Variants in DGKB observed in about 807,000 individuals in gnomAD.
DGKB encodes the protein diacylglycerol kinase beta, also known as 90 kDa diacylglycerol kinase.
In DGKB, 67 loss-of-function variants were observed where a neutral mutation model predicts 114.3. That is an observed-to-expected ratio of 0.59 (90% confidence interval 0.48 to 0.72). The LOEUF (loss-of-function observed/expected upper bound fraction) is 0.72, where lower values mean the gene tolerates loss of function less well. Ranked by LOEUF, DGKB falls within the 30% of genes least tolerant of loss-of-function variation. The probability of loss-of-function intolerance (pLI) is 0.00; values close to 1 mark genes in which losing one functional copy is unlikely to be tolerated. For synonymous variants in DGKB, 398 were observed against 323.1 expected, an observed-to-expected ratio of 1.23 and a Z score of -2.49; for missense variants, 907 against 975.2, an observed-to-expected ratio of 0.93 and a Z score of 0.93.
rs55946342 is a variant in DGKB, at chr7:14,298,809, T to C, written c.2122+39706A>G. Among the ~76,000 whole-genome samples, 623 of 152,282 alleles carry C rather than the reference T, an allele frequency of 4.1e-3. 3 individuals carry two copies. The highest frequency in any genetic ancestry group is 0.015 in the African/African-American group (610 of 41,550). On this transcript the variant is annotated intron_variant, in intron 23 of 25. Coordinates refer to ENST00000402815, the MANE Select transcript of DGKB (RefSeq NM_001350709.2). ...ATCTATCCATCTGACAAAGGGCTAATATCCAGCATCTACAAAGAACTTAAA... is the reference window on the plus strand; with the variant it reads ...ATCTATCCATCTGACAAAGGGCTAACATCCAGCATCTACAAAGAACTTAAA...
At chr7:14,880,920 A>T (rs1854129076) in intron 1 of DGKB, among the ~76,000 whole-genome samples, 1 of 152,162 alleles carries the variant, frequency 6.6e-6, no homozygotes, top group Non-Finnish European at 1.5e-5. Context: ...GTTACAGTAA[A>T]CAAGGCTTCA....
intron 23 of DGKB, chr7:14,209,169 G>C (rs1187071729): frequency 8.1e-6 from 2 of 247,766 alleles, no homozygotes; most frequent in East Asian, 2.6e-4. Context: ...TATTACTACT[G>C]ATAGAAAAAA....
intron 13 of DGKB, among the ~76,000 whole-genome samples, chr7:14,633,148 T>A (rs1810066258): frequency 6.6e-6 from 1 of 151,856 alleles, no homozygotes; most frequent in Non-Finnish European, 1.5e-5. Flanking sequence ...AGCAGGGGTA[T>A]GAGATATCTA....
At chr7:14,246,738 G>A (rs1047293608) in intron 23 of DGKB, among the ~76,000 whole-genome samples, 27 of 152,122 alleles carry the variant, frequency 1.8e-4, no homozygotes, top group African/African-American at 6.3e-4. Flanking sequence ...ATGTTTTGAT[G>A]TACATGCAAA....
intron 23 of DGKB, among the ~76,000 whole-genome samples, chr7:14,319,256 G>T (rs992219065): frequency 2.0e-5 from 3 of 148,606 alleles, no homozygotes; most frequent in Non-Finnish European, 4.4e-5. Flanking sequence ...CCTGCACAAT[G>T]TGCACATGTA....
intron 1 of DGKB, among the ~76,000 whole-genome samples, chr7:14,852,726 C>T (rs1439837396): frequency 1.3e-5 from 2 of 152,094 alleles, no homozygotes; most frequent in Non-Finnish European, 1.5e-5. Flanking sequence ...AAGAAGAATG[C>T]AGTTGAATGG....
chr7:14,348,943 A>G (rs1436693599), intron 21 of DGKB, among the ~76,000 whole-genome samples: 1 of 151,972 alleles, frequency 6.6e-6, no homozygotes, highest in Non-Finnish European at 1.5e-5. Context: ...GAACATGTAA[A>G]CAAAGTTAAT....
chr7:14,268,431 T>A (rs1172724299), intron 23 of DGKB, among the ~76,000 whole-genome samples: 1 of 152,178 alleles, frequency 6.6e-6, no homozygotes, highest in Non-Finnish European at 1.5e-5. Flanking sequence ...TATACCTATA[T>A]AAATACATGG....
rs112107431 is a variant in DGKB at position 14,531,538 on chromosome 7, G to A, written c.1770+42674C>T. 6.7e-3 allele frequency among the ~76,000 whole-genome samples: 1,022 copies of A among 151,506 alleles called. 10 individuals carry two copies. Among genetic ancestry groups the A allele is most frequent in the African/African-American group, 0.023 (959 of 41,488 alleles). On this transcript the variant is annotated intron_variant, in intron 20 of 25. Coordinates refer to ENST00000402815, the MANE Select transcript of DGKB (RefSeq NM_001350709.2). ...ATTATAAGAACTAAGAAACGTTGCT[G>A]CGAGTATTGAAGAAGGACTAAATGA...
intron 2 of DGKB, among the ~76,000 whole-genome samples, chr7:14,818,293 C>G (rs1844445429): frequency 6.6e-6 from 1 of 152,236 alleles, no homozygotes; most frequent in African/African-American, 2.4e-5. Context: ...ATGGCTAAGT[C>G]AAGGGAGGTC....
At chr7:14,344,094 T>C (rs1258768608) in intron 22 of DGKB, among the ~76,000 whole-genome samples, 1 of 150,298 alleles carries the variant, frequency 6.7e-6, no homozygotes, top group African/African-American at 2.4e-5. Context: ...TATCATTTTA[T>C]ATACAGTTAT....
intron 25 of DGKB, among the ~76,000 whole-genome samples, chr7:14,151,312 A>G (rs1782164048): frequency 6.6e-6 from 1 of 151,968 alleles, no homozygotes; most frequent in Admixed American, 6.6e-5. Flanking sequence ...ATATCTTCCT[A>G]GCCATTTATA....
At chr7:14,164,056 C>CA (rs1456123918) in intron 25 of DGKB, among the ~76,000 whole-genome samples, 3 of 151,372 alleles carry the variant, frequency 2.0e-5, no homozygotes, top group African/African-American at 4.9e-5. Context: ...ACAACAACAA[C>CA]AAAAAATACT....
intron 23 of DGKB, among the ~76,000 whole-genome samples, chr7:14,331,940 T>C (rs1006221762): frequency 1.3e-5 from 2 of 152,118 alleles, no homozygotes; most frequent in Admixed American, 6.6e-5. Context: ...AGAGATCAAA[T>C]AGGGTGAGAT....
At chr7:14,195,764 A>G (rs952221311) in intron 23 of DGKB, among the ~76,000 whole-genome samples, 1 of 152,216 alleles carries the variant, frequency 6.6e-6, no homozygotes, top group Non-Finnish European at 1.5e-5. Flanking sequence ...AAATAAGGAC[A>G]GAACATGATG....
intron 20 of DGKB, among the ~76,000 whole-genome samples, chr7:14,562,561 C>T (rs917237542): frequency 2.0e-5 from 3 of 152,210 alleles, no homozygotes; most frequent in African/African-American, 7.2e-5. Flanking sequence ...CCATGGAAGC[C>T]TATCTTTTGC....
chr7:14,464,041 T>A (rs537559105), intron 21 of DGKB, among the ~76,000 whole-genome samples: 2 of 151,780 alleles, frequency 1.3e-5, no homozygotes, highest in Admixed American at 1.3e-4. Context: ...TTTTTTTTTT[T>A]CCCCTAGTAA....
chr7:14,550,084 T>G (rs554170850), intron 20 of DGKB, among the ~76,000 whole-genome samples: 31 of 152,284 alleles, frequency 2.0e-4, no homozygotes, highest in Non-Finnish European at 3.8e-4. Context: ...TGTTTTATTC[T>G]GTCATTTAAA....
At chr7:14,185,607 A>AT (rs1338342819) in intron 23 of DGKB, among the ~76,000 whole-genome samples, 1 of 152,210 alleles carries the variant, frequency 6.6e-6, no homozygotes, top group African/African-American at 2.4e-5. Flanking sequence ...ACATTACCTG[A>AT]TTTTAAACTA....
Sources: allele counts gnomAD v4.1 joint callset (sites outside exome capture counted in the v4.1 genomes callset), GRCh38; gene constraint gnomAD v4.1.1; transcripts MANE v1.5; gene names NCBI Gene and HGNC (gene_info 2026-07-23, HGNC 2026-07-21).